NEO1: variants seen among roughly 807,000 people sequenced by gnomAD.
The protein encoded by NEO1 is neogenin 1.
In NEO1, 63 loss-of-function variants were observed where a neutral mutation model predicts 159.7. The observed-to-expected ratio is 0.39, with a 90% CI of 0.32 to 0.49. The LOEUF is 0.49. Ranked by LOEUF, NEO1 falls within the 20% of genes least tolerant of loss-of-function variation. The pLI, the probability that NEO1 is intolerant of heterozygous loss-of-function variation, is 0.85. For synonymous variants in NEO1, 633 were observed against 662.0 expected (o/e 0.96, Z 0.67); for missense variants, 1,615 against 1,831.0 (o/e 0.88, Z 2.15).
intron 26 of NEO1, 146 bp from the exon 27 acceptor site, chr15:73,298,199 CAGT>C (rs2151175531): frequency 1.1e-6 from 1 of 886,546 alleles, no homozygotes; most frequent in South Asian, 1.8e-5. Context: ...TTATCCCTGG[CAGT>C]GGTGCTAATC....
intron 7 of NEO1, among the ~76,000 whole-genome samples, chr15:73,194,699 A>C (rs34291790): frequency 6.6e-6 from 1 of 152,164 alleles, no homozygotes; most frequent in African/African-American, 2.4e-5. Flanking sequence ...TGGAGGGGAC[A>C]AACATCCAGA....
At chr15:73,098,646 G>A (rs184078828) in intron 1 of NEO1, among the ~76,000 whole-genome samples, 1 of 152,236 alleles carries the variant, frequency 6.6e-6, no homozygotes, top group East Asian at 1.9e-4. Context: ...TATTCAACAT[G>A]TCTCTTATTG....
chr15:73,242,377 A>T (rs911815483), intron 8 of NEO1, among the ~76,000 whole-genome samples: 11 of 152,214 alleles, frequency 7.2e-5, no homozygotes, highest in Non-Finnish European at 1.5e-4. Flanking sequence ...TATTAAAAAA[A>T]TCATAAGGGA....
rs11330606 is a variant in NEO1, at chr15:73,067,452, C to CT, written c.130+14662dup. ...CTGGTTGACATGGATGCTTTTCTTTCTTTTTTTTTTTTTTTGAGACAGAGT... is the reference window on the plus strand; with the variant it reads ...CTGGTTGACATGGATGCTTTTCTTTCTTTTTTTTTTTTTTTTGAGACAGAGT... On this transcript the variant is annotated intron_variant, in intron 1 of 28. Coordinates refer to ENST00000261908, the MANE Select transcript of NEO1 (RefSeq NM_002499.4). 4.6e-3 allele frequency among the ~76,000 whole-genome samples: 635 copies of CT among 137,594 alleles called. 4 individuals carry two copies. The highest frequency in any genetic ancestry group is 0.011 in the African/African-American group (409 of 37,568). 90.3% of individuals were successfully genotyped at this position (137,594 alleles called of 152,430 possible).
In NEO1 at chr15:73,249,066, T is replaced by C. The variant is rs1340454038; in HGVS notation, c.1613T>C (p.Leu538Pro). ...CTCGAACTTTTCTTTCTAGTTCAGCTCCCTGGCCCAGCACCTAACCTTCGT... is the reference window on the plus strand; with the variant it reads ...CTCGAACTTTTCTTTCTAGTTCAGCCCCCTGGCCCAGCACCTAACCTTCGT... ...LRVETQPEVQ[L>P]PGPAPNLRAY... The change falls in exon 10 of 29, where the codon CTC becomes CCC. Residue 538 changes from leucine to proline, a missense_variant. Physicochemically the swap from Leu to Pro is moderately conservative, Grantham distance 98. Coordinates refer to ENST00000261908, the MANE Select transcript of NEO1 (RefSeq NM_002499.4). The C allele has an allele frequency of 1.9e-6, 3 of 1,613,804 alleles. No homozygotes were observed. The highest frequency in any genetic ancestry group is 2.5e-6 in the Non-Finnish European group (3 of 1,179,894).
chr15:73,168,256 C>G (rs1307230460), intron 5 of NEO1, among the ~76,000 whole-genome samples: 1 of 151,862 alleles, frequency 6.6e-6, no homozygotes, highest in Admixed American at 6.6e-5. Flanking sequence ...GTGGCACAGT[C>G]TCGGCTCACT....
chr15:73,252,123 A>C (rs1441735140), intron 11 of NEO1, among the ~76,000 whole-genome samples: 1 of 152,196 alleles, frequency 6.6e-6, no homozygotes, highest in Non-Finnish European at 1.5e-5. Flanking sequence ...TTTGCTAGGC[A>C]CAAGTTACAG....
chr15:73,280,716 G>A (rs2041654998), intron 22 of NEO1, among the ~76,000 whole-genome samples: 1 of 152,108 alleles, frequency 6.6e-6, no homozygotes, highest in Admixed American at 6.5e-5. Flanking sequence ...TTGTCTGTCT[G>A]CTTACCTTTT....
intron 5 of NEO1, among the ~76,000 whole-genome samples, chr15:73,174,077 G>A (rs191501965): frequency 1.1e-4 from 16 of 145,064 alleles, no homozygotes; most frequent in Admixed American, 1.1e-3. Flanking sequence ...TCCAGTCTGG[G>A]CAATAGAGCG....
intron 1 of NEO1, among the ~76,000 whole-genome samples, chr15:73,055,503 T>G (rs1245086392): frequency 6.6e-6 from 1 of 152,202 alleles, no homozygotes; most frequent in African/African-American, 2.4e-5. Context: ...TCTTTCTGGC[T>G]TTTCTTGAAC....
chr15:73,074,316 C>T lies in NEO1; in HGVS notation c.130+21511C>T, dbSNP rs577390061. ...TAACCAATTTCTCGTTATTCAGAGG[C>T]CAGTTATCTAGTTTATTTATCAAGA... is the stretch of plus-strand genomic sequence containing the variant. On this transcript the variant is annotated intron_variant, in intron 1 of 28. Coordinates refer to ENST00000261908, the MANE Select transcript of NEO1 (RefSeq NM_002499.4). Among the ~76,000 whole-genome samples, 354 of 152,184 alleles carry T rather than the reference C, an allele frequency of 2.3e-3. 1 individual carries two copies. The highest frequency in any genetic ancestry group is 8.1e-3 in the African/African-American group (338 of 41,522).
At chr15:73,058,580 CTT>C (rs1414433297) in intron 1 of NEO1, among the ~76,000 whole-genome samples, 17 of 152,206 alleles carry the variant, frequency 1.1e-4, no homozygotes, top group Admixed American at 1.0e-3. Context: ...GAAAAGTTAA[CTT>C]GTGTGTGTAT....
chr15:73,179,737 A>G (rs1388191742), intron 7 of NEO1, among the ~76,000 whole-genome samples: 2 of 152,294 alleles, frequency 1.3e-5, no homozygotes, highest in South Asian at 4.1e-4. Flanking sequence ...ACACACTTCA[A>G]ATCCTACCAC....
intron 16 of NEO1, 152 bp from the exon 17 acceptor site, chr15:73,269,858 A>T: frequency 1.4e-6 from 1 of 691,432 alleles, no homozygotes; most frequent in South Asian, 1.8e-5. Context: ...ATAGTCTTTT[A>T]AATGAATGGT....
At chr15:73,269,773 C>T (rs536605674) in intron 16 of NEO1, among the ~76,000 whole-genome samples, 1 of 152,250 alleles carries the variant, frequency 6.6e-6, no homozygotes, top group South Asian at 2.1e-4. Context: ...CTATAGAATG[C>T]AGTAGAGAAT....
chr15:73,153,373 T>C (rs918194449), intron 5 of NEO1, among the ~76,000 whole-genome samples: 1 of 151,806 alleles, frequency 6.6e-6, no homozygotes, highest in Admixed American at 6.6e-5. Context: ...TTCATCTAAT[T>C]ACAAATAGTT....
At chr15:73,177,897 G>T (rs1198291217) in intron 6 of NEO1, among the ~76,000 whole-genome samples, 1 of 152,078 alleles carries the variant, frequency 6.6e-6, no homozygotes, top group Non-Finnish European at 1.5e-5. Flanking sequence ...AGCTCACATG[G>T]CTTCATTTAA....
chr15:73,069,841 G>T (rs1246524011), intron 1 of NEO1, among the ~76,000 whole-genome samples: 3 of 152,080 alleles, frequency 2.0e-5, no homozygotes, highest in Non-Finnish European at 4.4e-5. Flanking sequence ...AAAAGTAGAG[G>T]CATTATATAT....
At chr15:73,169,418 A>C (rs1016553023) in intron 5 of NEO1, among the ~76,000 whole-genome samples, 7 of 152,128 alleles carry the variant, frequency 4.6e-5, no homozygotes, top group Non-Finnish European at 8.8e-5. Context: ...CTGGTTATCA[A>C]TTTAACTTCC....
Sources: allele counts gnomAD v4.1 joint callset (sites outside exome capture counted in the v4.1 genomes callset), GRCh38; gene constraint gnomAD v4.1.1; transcripts MANE v1.5; gene names NCBI Gene and HGNC (gene_info 2026-07-23, HGNC 2026-07-21).